CHD8: variants seen among roughly 807,000 people sequenced by gnomAD.
The protein encoded by CHD8 is chromodomain helicase DNA binding protein 8, also known as ATP-dependent chromatin remodeler CHD8.
In CHD8, 31 loss-of-function variants were observed where a neutral mutation model predicts 279.2. The ratio of observed to expected loss-of-function variants is 0.11; its 90% CI spans 0.08 to 0.15. The LOEUF (loss-of-function observed/expected upper bound fraction) is 0.15, where lower values mean the gene tolerates loss of function less well. CHD8 is among the 10% of genes least tolerant of loss of function. The pLI, the probability that CHD8 is intolerant of heterozygous loss-of-function variation, is 1.00. For missense variants in CHD8, 2,146 were observed against 3,230.5 expected, an observed-to-expected ratio of 0.66 and a Z score of 8.14; for synonymous variants, 1,081 against 1,139.6, an observed-to-expected ratio of 0.95 and a Z score of 1.04.
At chr14:21,416,087 T>C (rs1888711577) in intron 5 of CHD8, 180 bp from the exon 6 acceptor site, 1 of 510,974 alleles carries the variant, frequency 2.0e-6, no homozygotes, top group Non-Finnish European at 3.4e-6. Context: ...ACTGACCATA[T>C]ATCAATTTGC....
At position 21,385,857 on chromosome 14, in the gene CHD8, GGGTGGGGGTGGT is replaced by G; in HGVS notation, c.7490_7501del (p.His2497_His2500del). On this transcript the variant is annotated inframe_deletion, in exon 38 of 38. Coordinates refer to ENST00000646647, the MANE Select transcript of CHD8 (RefSeq NM_001170629.2). ...TGGATGGTGATGGTGGTGATGGTGG[GGGTGGGGGTGGT>G]GGTGGTGGTGATGAAGCATGGTGCT... 6.5e-7 allele frequency: 1 copy of G among 1,545,076 alleles called. No individual in the cohort carries two copies. Among genetic ancestry groups the G allele is most frequent in the Non-Finnish European group, 8.8e-7 (1 of 1,142,344 alleles).
chr14:21,417,629 C>T (rs529960051), intron 5 of CHD8, among the ~76,000 whole-genome samples: 126 of 151,764 alleles, frequency 8.3e-4, no homozygotes, highest in African/African-American at 2.8e-3. Context: ...CCGAGGCAGG[C>T]GCATCATGAG....
At chr14:21,455,801 C>T (rs1890374487) in intron 1 of CHD8, among the ~76,000 whole-genome samples, 1 of 152,072 alleles carries the variant, frequency 6.6e-6, no homozygotes, top group African/African-American at 2.4e-5. Flanking sequence ...TCCCTCGCGG[C>T]TCGGCCCGGC....
Position 21,405,980 on chromosome 14 carries a change from G to T in CHD8, c.2908-116C>A. ...CCTTTAATTTCTTTATCTATAAAATGATGAGAATGGACCAGTGATCTGGTC... is the reference window on the plus strand; with the variant it reads ...CCTTTAATTTCTTTATCTATAAAATTATGAGAATGGACCAGTGATCTGGTC... On this transcript the variant is annotated intron_variant, in intron 14 of 37. Transcript: ENST00000646647. This position sits in a 1 kb window ranked among gnomAD's most constrained non-coding sequence, Gnocchi z 4.2. 1.4e-6 allele frequency: 1 copy of T among 737,712 alleles called. No homozygotes were observed. Among genetic ancestry groups the T allele is most frequent in the Non-Finnish European group, 2.1e-6 (1 of 486,790 alleles). 45.7% of individuals were successfully genotyped at this position (737,712 alleles called of 1,614,324 possible). A position where few individuals can be genotyped will look rare whatever the true frequency, so the allele number is the denominator to read the frequency against.
intron 1 of CHD8, among the ~76,000 whole-genome samples, chr14:21,432,549 A>C (rs1889606700): frequency 6.6e-6 from 1 of 152,208 alleles, no homozygotes; most frequent in Non-Finnish European, 1.5e-5. Flanking sequence ...ACTTCCTCTT[A>C]CCATCTCTTA....
chr14:21,435,953 A>T (rs1411109440), intron 1 of CHD8, among the ~76,000 whole-genome samples: 1 of 152,212 alleles, frequency 6.6e-6, no homozygotes, highest in Non-Finnish European at 1.5e-5. Flanking sequence ...TTTATGATGG[A>T]TGAGAAACAC....
chr14:21,395,369 A>G lies in CHD8; in HGVS notation c.5128-17T>C. The G allele has an allele frequency of 1.3e-6, 2 of 1,585,920 alleles. No homozygotes were observed. The highest frequency in any genetic ancestry group is 1.7e-6 in the Non-Finnish European group (2 of 1,160,094). On this transcript the variant is annotated splice_polypyrimidine_tract_variant and intron_variant, in intron 28 of 37. Coordinates refer to ENST00000646647, the MANE Select transcript of CHD8 (RefSeq NM_001170629.2). Reference sequence around the variant, plus strand: ...GGGATCACCCTAGAGAAGGAGATCCACCCAATAGGATGGAGCGGGGAGGGA... The same window carrying G: ...GGGATCACCCTAGAGAAGGAGATCCGCCCAATAGGATGGAGCGGGGAGGGA...
At chr14:21,410,672 C>A (rs1888451158) in intron 10 of CHD8, among the ~76,000 whole-genome samples, 1 of 152,238 alleles carries the variant, frequency 6.6e-6, no homozygotes. Flanking sequence ...ATGATCACTG[C>A]ACTTACTGCA....
intron 28 of CHD8, 58 bp downstream of exon 28, chr14:21,395,759 G>A: frequency 1.0e-6 from 1 of 988,900 alleles, no homozygotes; most frequent in Non-Finnish European, 1.6e-6. Flanking sequence ...GAGAATGGTT[G>A]AAGACTTAAA....
chr14:21,431,584 CAG>C lies in CHD8; in HGVS notation c.58_59del (p.Leu20AspfsTer2). On this transcript the variant is annotated frameshift_variant, in exon 2 of 38. Transcript: ENST00000646647. LOFTEE classifies it high-confidence loss of function. ...DDPNLFGLDSLTDDSFNQVTQ... is the reference protein window; with the variant it reads ...DDPNLFGLDSXTDDSFNQVTQ... ...TGACCTGGTTAAAGCTGTCATCAGT[CAG>C]AGAGTCCAGGCCAAATAAATTTGGG... 6.5e-7 allele frequency: 1 copy of C among 1,537,160 alleles called. No homozygotes were observed. The highest frequency in any genetic ancestry group is 2.4e-5 in the East Asian group (1 of 40,916).
chr14:21,420,765 ATT>A (rs753051784), intron 5 of CHD8, among the ~76,000 whole-genome samples: 1 of 145,730 alleles, frequency 6.9e-6, no homozygotes. Context: ...TCTCATACAC[ATT>A]TTTTTTTTTT....
intron 9 of CHD8, chr14:21,413,673 G>A (rs1706666462): frequency 6.5e-6 from 1 of 152,864 alleles, no homozygotes; most frequent in African/African-American, 2.4e-5. Flanking sequence ...GGGATTACAA[G>A]CATGAGCCAC....
rs961329594 is a variant in CHD8 at position 21,400,588 on chromosome 14, T to C, written c.4395A>G (p.Leu1465=). The change falls in exon 23 of 38, where the codon TTA becomes TTG. Residue 1465 remains leucine, a synonymous_variant. Transcript: ENST00000646647. This position sits in a 1 kb window ranked among gnomAD's most constrained non-coding sequence, Gnocchi z 4.2. ...VYGWGRWRDI[L]SHGRFKRRMT... ...TACGTCGCTTGAAGCGTCCATGAGA[T>C]AAAATATCTCGCCATCGTCCCCAAC... 2 of 1,580,662 alleles carry C rather than the reference T, an allele frequency of 1.3e-6. No homozygotes were observed.
At chr14:21,443,873 A>AAAAAAAC (rs1566455057) in intron 1 of CHD8, among the ~76,000 whole-genome samples, 1 of 151,808 alleles carries the variant, frequency 6.6e-6, no homozygotes. Context: ...AAAAAAAAAA[A>AAAAAAAC]AAAAAACAAC....
At position 21,393,236 on chromosome 14, in the gene CHD8, T is replaced by C; in HGVS notation, c.6338A>G (p.Lys2113Arg). Residue 2113 changes from lysine to arginine, a missense_variant, in exon 33 of 38, where the codon AAG becomes AGG. Lys to Arg is a conservative substitution (Grantham distance 26, BLOSUM62 2). Around this residue, in one of 26 missense-constraint regions of CHD8, gnomAD observed 513 missense variants for 637.6 expected, o/e 0.80. Transcript: ENST00000646647. ...EEKLTDQSRS[K>R]LYDEESLLSL... The stretch of plus-strand genomic sequence containing the variant: ...CAGGAGACTCTCTTCATCATAGAGC[T>C]TTGAGCGGGACTGGTCAGCTGGTAA... The C allele has an allele frequency of 6.2e-7, 1 of 1,613,998 alleles. No individual in the cohort carries two copies. Among genetic ancestry groups the C allele is most frequent in the Non-Finnish European group, 8.5e-7 (1 of 1,179,896 alleles).
chr14:21,413,555 C>G (rs192119391), intron 9 of CHD8, among the ~76,000 whole-genome samples: 1 of 151,848 alleles, frequency 6.6e-6, no homozygotes, highest in African/African-American at 2.4e-5. Context: ...CCACTATGAC[C>G]GGCTAATTTT....
intron 4 of CHD8, chr14:21,426,720 C>T (rs925440515): frequency 1.3e-5 from 2 of 152,400 alleles, no homozygotes; most frequent in African/African-American, 4.8e-5. Context: ...ACCACAAAGC[C>T]TTAAGAATCC....
chr14:21,414,135 ACAATG>A, intron 9 of CHD8, 161 bp downstream of exon 9: 2 of 581,160 alleles, frequency 3.4e-6, no homozygotes, highest in Non-Finnish European at 3.1e-6. Flanking sequence ...ACCTAACAAA[ACAATG>A]CAAGGGCAGT....
chr14:21,449,182 T>TA (rs1555320665), intron 1 of CHD8, among the ~76,000 whole-genome samples: 3 of 151,692 alleles, frequency 2.0e-5, no homozygotes, highest in Non-Finnish European at 2.9e-5. Flanking sequence ...GCAAAATAAA[T>TA]AAATAAAATA....
Sources: gnomAD v4.1 joint callset for allele counts (sites outside exome capture counted in the v4.1 genomes callset) on GRCh38, gnomAD v4.1.1 for gene constraint, gnomAD v4.1.1 regional missense constraint, Gnocchi (gnomAD v3.1) non-coding constraint, MANE v1.5 for transcripts, NCBI Gene and HGNC (gene_info 2026-07-23, HGNC 2026-07-21) for gene names.